The following PAK4 variants were observed in gnomAD, a reference collection of about 807,000 sequenced individuals.
The protein encoded by PAK4 is serine/threonine-protein kinase PAK 4.
A neutral mutation model predicts 53.5 loss-of-function variants in PAK4; 49 were observed. That is an observed-to-expected ratio of 0.92 (90% CI 0.73 to 1.16). The LOEUF is 1.16. Ranked by LOEUF, PAK4 falls within the 50% of genes most tolerant of loss-of-function variation. The probability of loss-of-function intolerance (pLI) is 0.00; values close to 1 mark genes in which losing one functional copy is unlikely to be tolerated. For synonymous variants in PAK4, 376 were observed against 375.6 expected, an observed-to-expected ratio of 1.00 and a Z score of -0.01; for missense variants, 824 against 850.7, an observed-to-expected ratio of 0.97 and a Z score of 0.39.
intron 1 of PAK4, among the ~76,000 whole-genome samples, chr19:39,149,132 T>C (rs1233151417): frequency 6.6e-6 from 1 of 152,198 alleles, no homozygotes. Context: ...GACCCAGCAA[T>C]TCCGCTCCCA....
At chr19:39,171,976 C>T (rs115878698) in intron 2 of PAK4, among the ~76,000 whole-genome samples, 3 of 152,338 alleles carry the variant, frequency 2.0e-5, no homozygotes, top group East Asian at 1.9e-4. Flanking sequence ...TAGGCAGAGC[C>T]GGGAGCAGAC....
chr19:39,150,784 C>T (rs898606354), intron 1 of PAK4, among the ~76,000 whole-genome samples: 2 of 152,140 alleles, frequency 1.3e-5, no homozygotes, highest in Non-Finnish European at 2.9e-5. Context: ...TCCTTGGCAC[C>T]CACGTTGTCT....
chr19:39,164,681 G>T (rs2074340508), intron 1 of PAK4, among the ~76,000 whole-genome samples: 4 of 152,172 alleles, frequency 2.6e-5, no homozygotes, highest in Admixed American at 2.6e-4. Context: ...TCTGGAGTGG[G>T]CAGGACTCTG....
chr19:39,153,267 A>C (rs1302735654), intron 1 of PAK4, among the ~76,000 whole-genome samples: 1 of 105,620 alleles, frequency 9.5e-6, no homozygotes, highest in Admixed American at 9.0e-5. Context: ...TTTTAATTTT[A>C]ATTTTTTTTG....
At chr19:39,159,189 G>A (rs1375148848) in intron 1 of PAK4, among the ~76,000 whole-genome samples, 1 of 152,126 alleles carries the variant, frequency 6.6e-6, no homozygotes, top group Non-Finnish European at 1.5e-5. Flanking sequence ...CTGGGCAGTC[G>A]GCTCTTAACC....
At chr19:39,159,588 A>C (rs1312225239) in intron 1 of PAK4, among the ~76,000 whole-genome samples, 1 of 152,176 alleles carries the variant, frequency 6.6e-6, no homozygotes, top group Non-Finnish European at 1.5e-5. Context: ...GGGTTTTGCC[A>C]TGTTGGCCAG....
chr19:39,167,687 C>G (rs183726234), intron 1 of PAK4, among the ~76,000 whole-genome samples: 7 of 152,130 alleles, frequency 4.6e-5, no homozygotes, highest in African/African-American at 1.2e-4. Flanking sequence ...GCCCCCACCC[C>G]CCTCCCACGG....
Position 39,149,310 on chromosome 19 carries a change from TA to T in PAK4, c.-22-20217del, listed in dbSNP as rs374626165. ...TACATGATGGAATATTATTCAGCCA[TA>T]AAAAGGAATGGAATTTTGGGTAGAA... On this transcript the variant is annotated intron_variant, in intron 1 of 8. Transcript: ENST00000358301. Among the ~76,000 whole-genome samples, 21 of 152,326 alleles carry T rather than the reference TA, an allele frequency of 1.4e-4. No homozygotes were observed. In the East Asian group the frequency reaches 1.7e-3, roughly 13 times the overall value.
Position 39,175,186 on chromosome 19 carries a change from A to G in PAK4, c.1232+122A>G, listed in dbSNP as rs990213994. ...CCCCTGGGATGGGGTCGTGTCTTCCATTCCTCCCACTCCAGAGTGGGGTCG... is the reference window on the plus strand; with the variant it reads ...CCCCTGGGATGGGGTCGTGTCTTCCGTTCCTCCCACTCCAGAGTGGGGTCG... On this transcript the variant is annotated intron_variant, in intron 5 of 8. Transcript: ENST00000358301. The surrounding 1 kb of genome is among the most constrained non-coding windows in gnomAD (Gnocchi z 4.7). The G allele has an allele frequency of 2.0e-6, 3 of 1,483,930 alleles. 1 individual carries two copies. Among genetic ancestry groups the G allele is most frequent in the South Asian group, 2.5e-5 (2 of 78,872 alleles). 91.9% of individuals were successfully genotyped at this position (1,483,930 alleles called of 1,614,324 possible). A position where few individuals can be genotyped will look rare whatever the true frequency, so the allele number is the denominator to read the frequency against.
chr19:39,158,185 G>A (rs1169582306), intron 1 of PAK4, among the ~76,000 whole-genome samples: 1 of 151,972 alleles, frequency 6.6e-6, no homozygotes, highest in Non-Finnish European at 1.5e-5. Flanking sequence ...GTGTGCATGT[G>A]TGTGAGCGTG....
At chr19:39,148,720 G>C (rs111673568) in intron 1 of PAK4, among the ~76,000 whole-genome samples, 2,841 of 150,876 alleles carry the variant, frequency 0.019, 93 homozygotes, top group African/African-American at 0.066. Flanking sequence ...CTCCCAAAGT[G>C]CTGGGATTAC....
At chr19:39,132,846 G>A (rs2073740012) in intron 1 of PAK4, among the ~76,000 whole-genome samples, 1 of 152,240 alleles carries the variant, frequency 6.6e-6, no homozygotes, top group African/African-American at 2.4e-5. Flanking sequence ...TCTCACCTTT[G>A]CCAGTCAGAT....
At position 39,173,613 on chromosome 19, in the gene PAK4, C is replaced by CG. The variant is rs1342349084; in HGVS notation, c.707dup (p.Leu237ProfsTer66). On this transcript the variant is annotated frameshift_variant, in exon 4 of 9. Coordinates refer to ENST00000358301, the Ensembl canonical transcript of PAK4. LOFTEE classifies it high-confidence loss of function. The surrounding 1 kb of genome is among the most constrained non-coding windows in gnomAD (Gnocchi z 6.9). ...GACGTGGCCCCTAACGGGCCATCAG[C>CG]GGGGGGCCTGGCCATCCCCCAGTCC... 5 of 1,535,082 alleles carry CG rather than the reference C, an allele frequency of 3.3e-6. No individual in the cohort carries two copies. Among genetic ancestry groups the CG allele is most frequent in the Non-Finnish European group, 2.6e-6 (3 of 1,143,608 alleles).
intron 1 of PAK4, among the ~76,000 whole-genome samples, chr19:39,154,229 T>G (rs1375207919): frequency 2.0e-5 from 3 of 152,154 alleles, no homozygotes; most frequent in Non-Finnish European, 4.4e-5. Context: ...GGAGAGCTCT[T>G]GCTAGGTCAA....
chr19:39,180,951 A>T (rs1337108952), downstream of PAK4: 1 of 152,202 alleles, frequency 6.6e-6, no homozygotes, highest in Non-Finnish European at 1.5e-5. Flanking sequence ...AGCTAGCTCT[A>T]GGAGCTCCAC....
At chr19:39,142,569 C>A (rs977754878) in intron 1 of PAK4, among the ~76,000 whole-genome samples, 1 of 152,268 alleles carries the variant, frequency 6.6e-6, no homozygotes, top group Non-Finnish European at 1.5e-5. Flanking sequence ...CCCCACCCCC[C>A]GGGGCCTGGG....
chr19:39,166,075 CTG>C (rs2074371031), intron 1 of PAK4, among the ~76,000 whole-genome samples: 1 of 152,240 alleles, frequency 6.6e-6, no homozygotes, highest in Non-Finnish European at 1.5e-5. Flanking sequence ...TGAGCACTTA[CTG>C]TGTGTGTGAT....
At chr19:39,180,091 C>G (rs901412577), downstream of PAK4, 1 of 152,312 alleles carries the variant, frequency 6.6e-6, no homozygotes, top group African/African-American at 2.4e-5. Context: ...AGACCTCAGC[C>G]TGGTCCTCTC....
chr19:39,170,922 C>G (rs2074466251), intron 2 of PAK4, among the ~76,000 whole-genome samples: 1 of 152,212 alleles, frequency 6.6e-6, no homozygotes. Flanking sequence ...GGCACTGGCT[C>G]TTCTGGGCCA....
Sources: allele counts gnomAD v4.1 joint callset (sites outside exome capture counted in the v4.1 genomes callset), GRCh38; gene constraint gnomAD v4.1.1; non-coding constraint Gnocchi (gnomAD v3.1); transcripts MANE v1.5; gene names NCBI Gene and HGNC (gene_info 2026-07-23, HGNC 2026-07-21).